Variants in HPD observed in about 807,000 individuals in gnomAD.
The protein encoded by HPD is 4-hydroxyphenylpyruvic acid oxidase.
Under a neutral mutation model 56.9 loss-of-function variants are expected in HPD, and 35 were observed. That is an observed-to-expected ratio of 0.62 (90% CI 0.47 to 0.82). The LOEUF (loss-of-function observed/expected upper bound fraction) is 0.82, where lower values mean the gene tolerates loss of function less well. Among genes scored for constraint, HPD ranks in the 40% least tolerant of loss-of-function variants. HPD has a pLI of 0.00. For missense variants in HPD, 442 were observed against 506.8 expected, an observed-to-expected ratio of 0.87 and a Z score of 1.23; for synonymous variants, 186 against 200.2, an observed-to-expected ratio of 0.93 and a Z score of 0.60.
At chr12:121,877,094 CAAAAA>C in the HPD span, among the ~76,000 whole-genome samples, 6 of 117,768 alleles carry the variant, frequency 5.1e-5, no homozygotes, top group African/African-American at 5.9e-5. Context: ...ACTCCATCTC[CAAAAA>C]AAAAAAAAAA....
At chr12:121,882,215 T>C in the HPD span, among the ~76,000 whole-genome samples, 1 of 152,046 alleles carries the variant, frequency 6.6e-6, no homozygotes, top group Non-Finnish European at 1.5e-5. Flanking sequence ...ATTTGTCGTT[T>C]GTAGGATTCC....
intron 12 of HPD, 149 bp from the exon 13 acceptor site, chr12:121,840,197 A>G (rs1312003601): frequency 4.3e-6 from 3 of 698,956 alleles, no homozygotes; most frequent in East Asian, 5.3e-5. Context: ...AAACTGTCCT[A>G]TTACTATCCC....
chr12:121,871,722 G>A, the HPD span, among the ~76,000 whole-genome samples: 1 of 152,140 alleles, frequency 6.6e-6, no homozygotes, highest in Non-Finnish European at 1.5e-5. Flanking sequence ...ATGGCTGGGA[G>A]GGACCAGAGA....
chr12:121,849,642 G>A (rs1877697569), intron 8 of HPD, 45 bp downstream of exon 8: 11 of 1,263,578 alleles, frequency 8.7e-6, no homozygotes, highest in Non-Finnish European at 1.3e-5. Context: ...ACTTTTCACA[G>A]TCCCTCAGGG....
intron 12 of HPD, among the ~76,000 whole-genome samples, chr12:121,842,214 C>A (rs1433155139): frequency 6.6e-6 from 1 of 152,052 alleles, no homozygotes; most frequent in Non-Finnish European, 1.5e-5. Context: ...GCTTTGACCT[C>A]CTGGCCTCAA....
At chr12:121,870,526 G>A in the HPD span, among the ~76,000 whole-genome samples, 1 of 150,888 alleles carries the variant, frequency 6.6e-6, no homozygotes, top group African/African-American at 2.4e-5. Context: ...AAAAAAGAAG[G>A]CAAGGATGGG....
At chr12:121,843,646 TGAAAA>T in intron 12 of HPD, 59 bp downstream of exon 12, 3 of 1,600,070 alleles carry the variant, frequency 1.9e-6, no homozygotes, top group Non-Finnish European at 2.6e-6. Flanking sequence ...ACAATATTTC[TGAAAA>T]GATGCAATGC....
intron 2 of HPD, 82 bp from the exon 3 acceptor site, chr12:121,857,901 C>T: frequency 9.7e-7 from 1 of 1,030,642 alleles, no homozygotes; most frequent in Non-Finnish European, 1.5e-6. Context: ...CCCCTAGCCA[C>T]CCTCCTTATT....
chr12:121,851,709 T>TA (rs1566571746), intron 7 of HPD, among the ~76,000 whole-genome samples: 3 of 4,682 alleles, frequency 6.4e-4, no homozygotes, highest in Non-Finnish European at 1.2e-3. Context: ...ATTTTTTTTT[T>TA]TTTTTTTTTT....
chr12:121,882,364 C>T, the HPD span, among the ~76,000 whole-genome samples: 16 of 152,190 alleles, frequency 1.1e-4, no homozygotes, highest in Admixed American at 5.9e-4. Flanking sequence ...GCCTACCTCT[C>T]GTTCTGAAAT....
At chr12:121,846,811 G>T in intron 11 of HPD, 51 bp downstream of exon 11, 1 of 1,576,954 alleles carries the variant, frequency 6.3e-7, no homozygotes, top group East Asian at 2.2e-5. Context: ...TGCAGAGATC[G>T]TCCCTGGCTC....
chr12:121,853,731 G>A (rs964579987), intron 7 of HPD, among the ~76,000 whole-genome samples: 2 of 147,504 alleles, frequency 1.4e-5, no homozygotes, highest in African/African-American at 2.5e-5. Flanking sequence ...ATCACTTGAG[G>A]TCAGGAGTTC....
chr12:121,880,616 T>C, the HPD span, among the ~76,000 whole-genome samples: 1 of 152,216 alleles, frequency 6.6e-6, no homozygotes, highest in African/African-American at 2.4e-5. Context: ...TAACAATTGC[T>C]TTATTAAATT....
At chr12:121,850,504 C>A (rs1016487182) in intron 7 of HPD, among the ~76,000 whole-genome samples, 2 of 143,086 alleles carry the variant, frequency 1.4e-5, no homozygotes, top group Admixed American at 1.4e-4. Context: ...GGCGGAGTCT[C>A]ACTCTGTCAC....
chr12:121,845,472 G>A (rs374233744), intron 11 of HPD, among the ~76,000 whole-genome samples: 6 of 150,432 alleles, frequency 4.0e-5, no homozygotes, highest in East Asian at 2.0e-4. Context: ...GTGGTGGCGG[G>A]TGCCTGTAGT....
intron 2 of HPD, 119 bp downstream of exon 2, chr12:121,858,568 C>G: frequency 9.9e-7 from 1 of 1,007,434 alleles, no homozygotes; most frequent in Non-Finnish European, 1.6e-6. Flanking sequence ...TGCAGGCATG[C>G]ACGTCATGTA....
chr12:121,855,454 A>C (rs1877956465), intron 6 of HPD, among the ~76,000 whole-genome samples: 2 of 152,230 alleles, frequency 1.3e-5, no homozygotes. Context: ...AAAATGGCTC[A>C]TGCCTGTAAT....
At chr12:121,858,537 C>T (rs898314313) in intron 2 of HPD, 150 bp downstream of exon 2, 4 of 818,504 alleles carry the variant, frequency 4.9e-6, no homozygotes, top group African/African-American at 1.7e-5. Flanking sequence ...TCTCGGGGAG[C>T]CCCGGGGGTA....
Position 121,839,936 on chromosome 12 carries a change from T to A in HPD, c.1067A>T (p.His356Leu), listed in dbSNP as rs1482617024. Reference sequence around the variant, plus strand: ...CCTGCCGGGGACAAGCAGTACCTGGTGGTTGTGGCGCTGGATGACTTCCAG... The same window carrying A: ...CCTGCCGGGGACAAGCAGTACCTGGAGGTTGTGGCGCTGGATGACTTCCAG... ...LFLEVIQRHNHQGFGAGNFNS... is the reference protein window; with the variant it reads ...LFLEVIQRHNLQGFGAGNFNS... The change falls in exon 13 of 14, where the codon CAC (histidine) becomes CTC (leucine). Residue 356 changes from histidine to leucine, a missense_variant. By Grantham distance (99) the His-to-Leu change is moderately conservative. Coordinates refer to ENST00000289004, the MANE Select transcript of HPD (RefSeq NM_002150.3). 1.2e-6 allele frequency: 2 copies of A among 1,612,928 alleles called. No homozygotes were observed. The highest frequency in any genetic ancestry group is 2.7e-5 in the African/African-American group (2 of 74,822).
Sources: allele counts gnomAD v4.1 joint callset (sites outside exome capture counted in the v4.1 genomes callset), GRCh38; gene constraint gnomAD v4.1.1; transcripts MANE v1.5; gene names NCBI Gene and HGNC (gene_info 2026-07-23, HGNC 2026-07-21).